Variants in MAP4 observed in about 807,000 individuals in gnomAD.
The protein encoded by MAP4 is microtubule-associated protein 4.
A neutral mutation model predicts 170.2 loss-of-function variants in MAP4; 76 were observed. That is an observed-to-expected ratio of 0.45 (90% CI 0.37 to 0.54). The LOEUF is 0.54. Ranked by LOEUF, MAP4 falls within the 20% of genes least tolerant of loss-of-function variation. MAP4 has a pLI of 0.00. For synonymous variants in MAP4, 909 were observed against 994.5 expected (o/e 0.91, Z 1.62); for missense variants, 2,506 against 2,748.0 (o/e 0.91, Z 1.97).
In MAP4 at chr3:47,910,353, A is replaced by G; in HGVS notation, c.4068T>C (p.Ala1356=). ...TDAANRYTAV[A]DKPSKRSNDG... ...CATTACTCCTTTTACTTGGTTTGTCAGCCACTGCAGTGTATCTATTGGCTG... is the reference window on the plus strand; with the variant it reads ...CATTACTCCTTTTACTTGGTTTGTCGGCCACTGCAGTGTATCTATTGGCTG... Residue 1356 remains alanine, a synonymous_variant, in exon 9 of 21, where the codon GCT becomes GCC. Coordinates refer to ENST00000683076, the MANE Select transcript of MAP4 (RefSeq NM_001385682.1). The G allele has an allele frequency of 6.5e-7, 1 of 1,539,628 alleles. No homozygotes were observed. The highest frequency in any genetic ancestry group is 1.2e-5 in the South Asian group (1 of 84,326).
At chr3:47,869,155 G>T in intron 16 of MAP4, 59 bp downstream of exon 16, 2 of 1,315,962 alleles carry the variant, frequency 1.5e-6, no homozygotes, top group Non-Finnish European at 1.1e-6. Flanking sequence ...ATGTGGCTCA[G>T]GCTGGAAGAA....
At chr3:48,053,439 T>C (rs1279586282) in intron 1 of MAP4, among the ~76,000 whole-genome samples, 1 of 152,242 alleles carries the variant, frequency 6.6e-6, no homozygotes, top group Non-Finnish European at 1.5e-5. Context: ...AATGTTCTTC[T>C]GAAAAGTATA....
intron 10 of MAP4, among the ~76,000 whole-genome samples, chr3:47,893,322 T>C (rs1002600664): frequency 3.9e-5 from 6 of 152,200 alleles, no homozygotes; most frequent in African/African-American, 1.4e-4. Context: ...CTGCCCCCAC[T>C]TGGTTCCTTG....
chr3:48,022,134 C>G (rs916031925), intron 1 of MAP4, among the ~76,000 whole-genome samples: 2 of 152,168 alleles, frequency 1.3e-5, no homozygotes, highest in African/African-American at 4.8e-5. Context: ...GCTGGGTCAA[C>G]TGGATATTTT....
At position 47,981,713 on chromosome 3, in the gene MAP4, T is replaced by C. The variant is rs538352210; in HGVS notation, c.224-3780A>G. Among the ~76,000 whole-genome samples, 611 of 150,410 alleles carry C rather than the reference T, an allele frequency of 4.1e-3. 6 individuals carry two copies. The highest frequency in any genetic ancestry group is 0.014 in the African/African-American group (592 of 40,828). Reference sequence around the variant, plus strand: ...CTGGGAGGCAGAGGTTGCAGTGAGCTGAGATCGTGCCACTGCACTCCAGTC... The same window carrying C: ...CTGGGAGGCAGAGGTTGCAGTGAGCCGAGATCGTGCCACTGCACTCCAGTC... On this transcript the variant is annotated intron_variant, in intron 2 of 20. Transcript: ENST00000683076.
chr3:48,003,904 C>T (rs1241339990), intron 1 of MAP4, among the ~76,000 whole-genome samples: 1 of 152,084 alleles, frequency 6.6e-6, no homozygotes, highest in African/African-American at 2.4e-5. Flanking sequence ...GGCCTAGCCT[C>T]CCAGTCTACA....
At chr3:47,955,519 T>C (rs948155363) in intron 3 of MAP4, among the ~76,000 whole-genome samples, 2 of 151,030 alleles carry the variant, frequency 1.3e-5, no homozygotes, top group Non-Finnish European at 2.9e-5. Flanking sequence ...TTGGGTCTGA[T>C]AAATAGCAAG....
chr3:47,977,614 G>A (rs1229811149), intron 3 of MAP4, among the ~76,000 whole-genome samples: 1 of 152,128 alleles, frequency 6.6e-6, no homozygotes, highest in African/African-American at 2.4e-5. Context: ...GTATTTTAAG[G>A]TTGATCCAGT....
chr3:47,995,333 C>A (rs1314826216), intron 2 of MAP4, among the ~76,000 whole-genome samples: 1 of 150,588 alleles, frequency 6.6e-6, no homozygotes, highest in Non-Finnish European at 1.5e-5. Flanking sequence ...TCACTGCCAC[C>A]TCCGCCTCCC....
intron 1 of MAP4, among the ~76,000 whole-genome samples, chr3:48,002,477 G>A (rs1419174003): frequency 2.0e-5 from 3 of 151,888 alleles, no homozygotes; most frequent in Non-Finnish European, 4.4e-5. Flanking sequence ...TGTCACAATC[G>A]CTTGAACCCG....
rs933938229 is a variant in MAP4 at position 47,902,531 on chromosome 3, G to A, written c.5434+419C>T. ...TCTACTAAAAATACAAAAATTAGCC[G>A]GGCGTGGTGACACATGCCTATAATC... is the stretch of plus-strand genomic sequence containing the variant. On this transcript the variant is annotated intron_variant, in intron 10 of 20. Transcript: ENST00000683076. 7.9e-5 allele frequency among the ~76,000 whole-genome samples: 12 copies of A among 151,768 alleles called. No individual in the cohort carries two copies. The South Asian group carries it at 8.4e-4, about 11-fold the overall frequency.
At chr3:48,055,535 G>C (rs2100130633) in intron 1 of MAP4, among the ~76,000 whole-genome samples, 1 of 143,076 alleles carries the variant, frequency 7.0e-6, no homozygotes, top group East Asian at 2.1e-4. Flanking sequence ...GAGTGCAGTG[G>C]CGTGATCTCG....
At chr3:48,007,572 G>A (rs1370703601) in intron 1 of MAP4, among the ~76,000 whole-genome samples, 3 of 152,162 alleles carry the variant, frequency 2.0e-5, no homozygotes, top group East Asian at 3.9e-4. Context: ...TGGCAGATGG[G>A]GATGTTGTTT....
At chr3:48,017,206 G>C (rs1284932691), upstream of MAP4, among the ~76,000 whole-genome samples, 2 of 152,198 alleles carry the variant, frequency 1.3e-5, no homozygotes, top group African/African-American at 4.8e-5. Context: ...TCGGCGAAAA[G>C]AGCCACAGAA....
chr3:48,045,251 T>C, intron 1 of MAP4, among the ~76,000 whole-genome samples: 1 of 107,680 alleles, frequency 9.3e-6, no homozygotes, highest in African/African-American at 3.5e-5. Context: ...AGAGTGAGAC[T>C]CAGTCTCAAA....
chr3:47,878,955 G>T (rs2096108282), intron 10 of MAP4, among the ~76,000 whole-genome samples: 1 of 152,192 alleles, frequency 6.6e-6, no homozygotes, highest in Non-Finnish European at 1.5e-5. Flanking sequence ...CATAGGCAGG[G>T]CTGCCTGGCA....
At chr3:48,017,501 T>C (rs1469372704), upstream of MAP4, among the ~76,000 whole-genome samples, 2 of 148,766 alleles carry the variant, frequency 1.3e-5, no homozygotes, top group Non-Finnish European at 3.0e-5. Flanking sequence ...TTTTTTTTTG[T>C]AAATCCAAAC....
rs763504830 is a variant in MAP4 at position 47,875,737 on chromosome 3, G to T, written c.5705C>A (p.Ala1902Asp). The T allele has an allele frequency of 3.7e-6, 6 of 1,613,816 alleles. No homozygotes were observed. Among genetic ancestry groups the T allele is most frequent in the Non-Finnish European group, 5.1e-6 (6 of 1,179,996 alleles). The change falls in exon 12 of 21, where the codon GCC becomes GAC. Residue 1902 changes from alanine to aspartate, a missense_variant. Physicochemically the swap from Ala to Asp is moderately radical, Grantham distance 126. Coordinates refer to ENST00000683076, the MANE Select transcript of MAP4 (RefSeq NM_001385682.1). ...GATGGAAGGCCTGGCAGAGGCGACG[G>T]CAGGGCGTTTGGGTGGGGCAGCTGG... The part of the protein sequence containing the change: ...LVPAAPPKRP[A>D]VASARPSILP...
At chr3:47,883,445 G>C (rs1329012627) in intron 10 of MAP4, among the ~76,000 whole-genome samples, 1 of 151,826 alleles carries the variant, frequency 6.6e-6, no homozygotes, top group African/African-American at 2.4e-5. Context: ...GGCTGGTCTC[G>C]AACTCCCGAC....
Sources: gnomAD v4.1 joint callset for allele counts (sites outside exome capture counted in the v4.1 genomes callset) on GRCh38, gnomAD v4.1.1 for gene constraint, MANE v1.5 for transcripts, NCBI Gene and HGNC (gene_info 2026-07-23, HGNC 2026-07-21) for gene names.